Variants in ABHD2 observed in about 807,000 individuals in gnomAD.
ABHD2 encodes monoacylglycerol lipase ABHD2.
A neutral mutation model predicts 48.1 loss-of-function variants in ABHD2; 20 were observed. The ratio of observed to expected loss-of-function variants is 0.42; its 90% CI spans 0.29 to 0.60. ABHD2 has a LOEUF of 0.60. Among genes scored for constraint, ABHD2 ranks in the 20% least tolerant of loss-of-function variants. The pLI is 0.24. For missense variants in ABHD2, 405 were observed against 550.9 expected, an observed-to-expected ratio of 0.74 and a Z score of 2.65; for synonymous variants, 209 against 214.2, an observed-to-expected ratio of 0.98 and a Z score of 0.21.
chr15:89,138,106 C>CT (rs1416820735), intron 3 of ABHD2, among the ~76,000 whole-genome samples: 1 of 152,258 alleles, frequency 6.6e-6, no homozygotes, highest in Non-Finnish European at 1.5e-5. Flanking sequence ...AGGGCCCTGG[C>CT]TTCCAGGCCT....
Position 89,094,206 on chromosome 15 carries a change from C to G in ABHD2, c.-107+5643C>G, listed in dbSNP as rs976400453. The G allele has an allele frequency of 6.6e-6, 1 of 152,078 alleles. No homozygotes were observed. The highest frequency in any genetic ancestry group is 1.5e-5 in the Non-Finnish European group (1 of 68,016). The allele number at this position is 152,078 out of a possible 1,614,324, so 9.4% of individuals were successfully genotyped here. On this transcript the variant is annotated intron_variant, in intron 1 of 10. Coordinates refer to ENST00000352732, the MANE Select transcript of ABHD2 (RefSeq NM_152924.5). This position sits in a 1 kb window ranked among gnomAD's most constrained non-coding sequence, Gnocchi z 4.7. ...GTGGCCCGATCTCGGTGCACTGCAA[C>G]CTCTGCTTCCCGGGTTCAAGCGATT... is the stretch of plus-strand genomic sequence containing the variant.
intron 3 of ABHD2, among the ~76,000 whole-genome samples, chr15:89,126,825 G>A (rs2050137434): frequency 6.6e-6 from 1 of 152,172 alleles, no homozygotes; most frequent in South Asian, 2.1e-4. Flanking sequence ...TTCTTCAGCA[G>A]CATCAAGAAT....
At chr15:89,059,155 C>T in the ABHD2 span, among the ~76,000 whole-genome samples, 8 of 152,278 alleles carry the variant, frequency 5.3e-5, no homozygotes, top group East Asian at 1.5e-3. Flanking sequence ...ATGCCCTCTT[C>T]CATGTTTGGG....
intron 6 of ABHD2, chr15:89,183,374 A>AC (rs1024082074): frequency 1.5e-5 from 1 of 66,230 alleles, no homozygotes; most frequent in African/African-American, 7.9e-5. Flanking sequence ...TTTTCAAAAA[A>AC]AAAAAAAAAA....
intron 1 of ABHD2, chr15:89,103,980 A>G (rs973151578): frequency 7.9e-5 from 12 of 152,220 alleles, no homozygotes; most frequent in African/African-American, 1.7e-4. Context: ...AGAGGAATCC[A>G]TGTGACCTTC....
intron 5 of ABHD2, among the ~76,000 whole-genome samples, chr15:89,160,837 A>T (rs1401304126): frequency 6.6e-6 from 1 of 152,150 alleles, no homozygotes; most frequent in Non-Finnish European, 1.5e-5. Context: ...ACAGTACACG[A>T]CCAAGCCTAA....
chr15:89,087,405 T>C (rs1901397151), upstream of ABHD2: 1 of 152,176 alleles, frequency 6.6e-6, no homozygotes, highest in African/African-American at 2.4e-5. The surrounding 1 kb of genome is among the most constrained non-coding windows in gnomAD (Gnocchi z 5.5). Context: ...CCTACAGGGG[T>C]TGCATTTCAA....
At chr15:89,073,096 A>G in the ABHD2 span, among the ~76,000 whole-genome samples, 2 of 152,204 alleles carry the variant, frequency 1.3e-5, no homozygotes, top group East Asian at 3.8e-4. Context: ...CATTTGCTAA[A>G]TCTAGCAAGC....
the ABHD2 span, among the ~76,000 whole-genome samples, chr15:89,047,940 A>G: frequency 6.8e-6 from 1 of 147,618 alleles, no homozygotes; most frequent in Non-Finnish European, 1.5e-5. Flanking sequence ...TCCTGTCATT[A>G]TGATGTTAGC....
In ABHD2 at chr15:89,193,336, G is replaced by A. The variant is rs760368119; in HGVS notation, c.1081+17G>A. On this transcript the variant is annotated intron_variant, in intron 10 of 10. Coordinates refer to ENST00000352732, the MANE Select transcript of ABHD2 (RefSeq NM_152924.5). The stretch of plus-strand genomic sequence containing the variant: ...CTCTTTCAGGTAAGTGTTTCTTCCT[G>A]CTGCCCTCTCAACAGCTCAGCAAGT... The A allele has an allele frequency of 6.2e-7, 1 of 1,606,768 alleles. No homozygotes were observed. The highest frequency in any genetic ancestry group is 8.5e-7 in the Non-Finnish European group (1 of 1,173,264).
In ABHD2 at chr15:89,143,688, C is replaced by CA. The variant is rs10707555; in HGVS notation, c.195-7976dup. Among the ~76,000 whole-genome samples, 408 of 130,032 alleles carry CA rather than the reference C, an allele frequency of 3.1e-3. 1 individual carries two copies. Among genetic ancestry groups the CA allele is most frequent in the African/African-American group, 7.2e-3 (269 of 37,144 alleles). 85.3% of individuals were successfully genotyped at this position (130,032 alleles called of 152,430 possible). ...ATAAGAGCAAAACTCCATCTCAAAA[C>CA]AAAAAAAAAAAAATGTGATTAATTT... On this transcript the variant is annotated intron_variant, in intron 3 of 10. Coordinates refer to ENST00000352732, the MANE Select transcript of ABHD2 (RefSeq NM_152924.5).
At chr15:89,062,276 A>G in the ABHD2 span, among the ~76,000 whole-genome samples, 5 of 152,014 alleles carry the variant, frequency 3.3e-5, no homozygotes, top group African/African-American at 1.2e-4. Context: ...TCAGGAATAT[A>G]AAGGTTGTTC....
chr15:89,068,913 C>T, the ABHD2 span, among the ~76,000 whole-genome samples: 9 of 150,796 alleles, frequency 6.0e-5, no homozygotes, highest in Middle Eastern at 3.4e-3. Flanking sequence ...GGACTACAGG[C>T]GCATGCCACC....
chr15:89,085,148 G>A (rs1901331125), upstream of ABHD2, among the ~76,000 whole-genome samples: 1 of 152,130 alleles, frequency 6.6e-6, no homozygotes, highest in Non-Finnish European at 1.5e-5. The surrounding 1 kb of genome is among the most constrained non-coding windows in gnomAD (Gnocchi z 4.2). Context: ...CCCCAGTTGA[G>A]TTAGAAGCAG....
chr15:89,131,032 G>C (rs1223011684), intron 3 of ABHD2, among the ~76,000 whole-genome samples: 2 of 152,100 alleles, frequency 1.3e-5, no homozygotes, highest in Non-Finnish European at 1.5e-5. Flanking sequence ...TTCACTGCAG[G>C]ACGTCATCAG....
chr15:89,088,495 G>T lies in ABHD2; in HGVS notation c.-175G>T, dbSNP rs578171918. ...TTCCGGCTGTATATCCATGAGCGCC[G>T]CTGGCAGCCGGGGAGCTGCAGGAAC... On this transcript the variant is annotated 5_prime_UTR_variant, in exon 1 of 11. Coordinates refer to ENST00000352732, the MANE Select transcript of ABHD2 (RefSeq NM_152924.5). The surrounding 1 kb of genome is among the most constrained non-coding windows in gnomAD (Gnocchi z 6.8). The T allele has an allele frequency of 6.5e-6, 1 of 152,802 alleles. No homozygotes were observed. Among genetic ancestry groups the T allele is most frequent in the African/African-American group, 2.4e-5 (1 of 41,596 alleles). 9.5% of individuals were successfully genotyped at this position (152,802 alleles called of 1,614,324 possible).
intron 3 of ABHD2, among the ~76,000 whole-genome samples, chr15:89,149,424 T>C (rs1477548672): frequency 6.6e-6 from 1 of 152,226 alleles, no homozygotes. Context: ...TTACTAAGTG[T>C]CTCTATATTC....
In ABHD2 at chr15:89,120,043, G is replaced by A. The variant is rs890932063; in HGVS notation, c.194+3522G>A. Among the ~76,000 whole-genome samples the A allele has an allele frequency of 1.8e-4, 27 of 152,124 alleles. No individual in the cohort carries two copies. The highest frequency in any genetic ancestry group is 3.9e-4 in the African/African-American group (16 of 41,422). The stretch of plus-strand genomic sequence containing the variant: ...GGTAGCTGGTTATGATGACATGCGC[G>A]GAATCAGGACGTGTCTTCTTACTGT... On this transcript the variant is annotated intron_variant, in intron 3 of 10. Transcript: ENST00000352732. The surrounding 1 kb of genome is among the most constrained non-coding windows in gnomAD (Gnocchi z 4.2).
intron 3 of ABHD2, among the ~76,000 whole-genome samples, chr15:89,140,323 G>A (rs2050381750): frequency 2.6e-5 from 4 of 152,188 alleles, no homozygotes; most frequent in Admixed American, 2.6e-4. Context: ...AACCTCTAGA[G>A]TAAGTTCCAG....
Sources: gnomAD v4.1 joint callset for allele counts (sites outside exome capture counted in the v4.1 genomes callset) on GRCh38, gnomAD v4.1.1 for gene constraint, Gnocchi (gnomAD v3.1) non-coding constraint, MANE v1.5 for transcripts, NCBI Gene and HGNC (gene_info 2026-07-23, HGNC 2026-07-21) for gene names.